Variants in PROK2 observed in about 807,000 individuals in gnomAD.
PROK2 encodes prokineticin 2, also known as prokineticin-2.
PROK2 carries 8 observed loss-of-function variants against 14.2 expected under a neutral mutation model. The ratio of observed to expected loss-of-function variants is 0.56; its 90% CI spans 0.33 to 1.02. PROK2 has a LOEUF of 1.02. Among genes scored for constraint, PROK2 ranks in the 50% least tolerant of loss-of-function variants. The pLI, the probability that PROK2 is intolerant of heterozygous loss-of-function variation, is 0.03. For synonymous variants in PROK2, 59 were observed against 60.7 expected (o/e 0.97, Z 0.13); for missense variants, 154 against 160.4 (o/e 0.96, Z 0.22).
intron 2 of PROK2, among the ~76,000 whole-genome samples, chr3:71,776,363 CATTTTTTT>C (rs1487252904): frequency 1.6e-4 from 15 of 92,070 alleles, no homozygotes; most frequent in African/African-American, 3.6e-4. Context: ...TTTCGCTTTT[CATTTTTTT>C]TTTTTTTTTT....
At chr3:71,782,062 C>T (rs2050164616) in intron 1 of PROK2, among the ~76,000 whole-genome samples, 1 of 152,166 alleles carries the variant, frequency 6.6e-6, no homozygotes, top group African/African-American at 2.4e-5. Context: ...TGGCATGAAA[C>T]ACTCCAGACC....
At chr3:71,778,319 T>G (rs1319004556) in intron 2 of PROK2, among the ~76,000 whole-genome samples, 1 of 152,198 alleles carries the variant, frequency 6.6e-6, no homozygotes, top group East Asian at 1.9e-4. Context: ...GCTTCCTAGG[T>G]GAACTCATAT....
rs549381482 is a variant in PROK2 at position 71,781,556 on chromosome 3, A to T, written c.133T>A (p.Cys45Ser). ...TTGACCCAGATACTGACAGCACAGC[A>T]CATGCCTCCACCACATTGGGAGTCC... ...DKDSQCGGGMCCAVSIWVKSI... is the reference protein window; with the variant it reads ...DKDSQCGGGMSCAVSIWVKSI... Residue 45 changes from cysteine (C) to serine (S), a missense_variant, in exon 2 of 4, where the codon TGC becomes AGC. By Grantham distance (112) the Cys-to-Ser change is moderately radical (BLOSUM62 -1). Transcript: ENST00000295619. The T allele has an allele frequency of 6.2e-7, 1 of 1,612,144 alleles. No homozygotes were observed. The highest frequency in any genetic ancestry group is 2.2e-5 in the East Asian group (1 of 44,866).
Position 71,785,103 on chromosome 3 carries a change from C to G in PROK2, c.-51G>C. 8 of 1,156,020 alleles carry G rather than the reference C, an allele frequency of 6.9e-6. No homozygotes were observed. The highest frequency in any genetic ancestry group is 8.7e-6 in the Non-Finnish European group (8 of 920,136). The allele number at this position is 1,156,020 out of a possible 1,614,324, so 71.6% of individuals were successfully genotyped here. ...CGGAGGCAGTTGGGGGCGCGGGGCCCGGGTGCGCTGGGTGGAGCGCGGAGC... is the reference window on the plus strand; with the variant it reads ...CGGAGGCAGTTGGGGGCGCGGGGCCGGGGTGCGCTGGGTGGAGCGCGGAGC... On this transcript the variant is annotated 5_prime_UTR_variant, in exon 1 of 4. Transcript: ENST00000295619.
At chr3:71,781,350 T>A in intron 2 of PROK2, 117 bp downstream of exon 2, 1 of 1,328,366 alleles carries the variant, frequency 7.5e-7, no homozygotes, top group South Asian at 1.2e-5. Flanking sequence ...TTATCCTTGC[T>A]AATGTCCAAT....
chr3:71,778,575 T>TG (rs1680125064), intron 2 of PROK2, among the ~76,000 whole-genome samples: 1 of 148,220 alleles, frequency 6.7e-6, no homozygotes, highest in South Asian at 2.1e-4. Flanking sequence ...TGAAACAAAA[T>TG]GAAAAAAAAA....
At chr3:71,780,080 A>T (rs1001930999) in intron 2 of PROK2, among the ~76,000 whole-genome samples, 1 of 152,258 alleles carries the variant, frequency 6.6e-6, no homozygotes, top group African/African-American at 2.4e-5. Context: ...GCATTGAGAC[A>T]CACAAGTAAC....
chr3:71,775,802 C>A (rs1304380377), intron 2 of PROK2, among the ~76,000 whole-genome samples: 3 of 152,194 alleles, frequency 2.0e-5, no homozygotes, highest in Non-Finnish European at 4.4e-5. Flanking sequence ...CCATTTTACT[C>A]ATGAGCATAT....
At chr3:71,773,136 C>T (rs535229991) in intron 3 of PROK2, among the ~76,000 whole-genome samples, 8 of 152,294 alleles carry the variant, frequency 5.3e-5, no homozygotes, top group East Asian at 3.9e-4. Flanking sequence ...CATGCCACCA[C>T]GCCCAACTAA....
intron 2 of PROK2, among the ~76,000 whole-genome samples, chr3:71,778,122 G>A (rs1054817491): frequency 2.7e-5 from 4 of 150,920 alleles, no homozygotes; most frequent in Admixed American, 6.6e-5. Context: ...GCGTGAACCC[G>A]GGAGGCGGAG....
At chr3:71,772,934 A>G (rs1028233415) in intron 3 of PROK2, 106 bp from the exon 4 acceptor site, 7 of 883,848 alleles carry the variant, frequency 7.9e-6, no homozygotes, top group Non-Finnish European at 1.3e-5. Context: ...GTGTTTACTG[A>G]GCGTTAACTA....
At chr3:71,776,364 A>ATTTTTTTTTT (rs58407323) in intron 2 of PROK2, among the ~76,000 whole-genome samples, 14 of 75,440 alleles carry the variant, frequency 1.9e-4, no homozygotes, top group African/African-American at 7.1e-4. Flanking sequence ...TTCGCTTTTC[A>ATTTTTTTTTT]TTTTTTTTTT....
In PROK2 at chr3:71,772,644, A is replaced by G. The variant is rs1403377636; in HGVS notation, c.*80T>C. 9 of 1,267,120 alleles carry G rather than the reference A, an allele frequency of 7.1e-6. No homozygotes were observed. Among genetic ancestry groups the G allele is most frequent in the Non-Finnish European group, 1.0e-5 (9 of 867,748 alleles). 78.5% of individuals were successfully genotyped at this position (1,267,120 alleles called of 1,614,324 possible). On this transcript the variant is annotated 3_prime_UTR_variant, in exon 4 of 4. Transcript: ENST00000295619. ...AAGCAAGAGCATTTCTTTCTGGCAC[A>G]TTTTTTGTTTGGCACAATCACAAGT...
chr3:71,774,487 C>G lies in PROK2; in HGVS notation c.243G>C (p.Arg81Ser), dbSNP rs371383628. 2 of 1,551,124 alleles carry G rather than the reference C, an allele frequency of 1.3e-6. No individual in the cohort carries two copies. The highest frequency in any genetic ancestry group is 1.7e-6 in the Non-Finnish European group (2 of 1,146,672). Residue 81 changes from arginine to serine, a missense_variant, in exon 3 of 4, where the codon AGG (arginine) becomes AGC (serine). By Grantham distance (110) the Arg-to-Ser change is moderately radical (BLOSUM62 -1). Coordinates refer to ENST00000295619, the MANE Select transcript of PROK2 (RefSeq NM_001126128.2). ...LTRKNNFGNGRQERRKRKRSK... is the reference protein window; with the variant it reads ...LTRKNNFGNGSQERRKRKRSK... ...TTCTCTTCCTCTTTCTTCTTTCCTGCCTTCCATTTCCAAAATTGTTCTGGA... is the reference window on the plus strand; with the variant it reads ...TTCTCTTCCTCTTTCTTCTTTCCTGGCTTCCATTTCCAAAATTGTTCTGGA...
chr3:71,778,388 T>C (rs1157307220), intron 2 of PROK2, among the ~76,000 whole-genome samples: 1 of 152,112 alleles, frequency 6.6e-6, no homozygotes, highest in Non-Finnish European at 1.5e-5. Flanking sequence ...AACTATACAA[T>C]TATAAAACAA....
intron 1 of PROK2, among the ~76,000 whole-genome samples, chr3:71,782,537 C>A (rs539357642): frequency 1.7e-4 from 26 of 152,260 alleles, no homozygotes; most frequent in African/African-American, 5.3e-4. Flanking sequence ...AACTATTATT[C>A]TTTCCTAGAA....
chr3:71,783,491 C>T (rs1311809682), intron 1 of PROK2, among the ~76,000 whole-genome samples: 1 of 152,134 alleles, frequency 6.6e-6, no homozygotes, highest in East Asian at 1.9e-4. Context: ...GTAACAAAAG[C>T]TTCAGTTCTT....
In PROK2 at chr3:71,774,316, C is replaced by T. The variant is rs910970960; in HGVS notation, c.285+129G>A. ...TATCAAAGCTGTCTACAGATAGTGG[C>T]AGAACCATTCTAATCTTATGTTGGG... On this transcript the variant is annotated intron_variant, in intron 3 of 3. Coordinates refer to ENST00000295619, the MANE Select transcript of PROK2 (RefSeq NM_001126128.2). 6.0e-6 allele frequency: 9 copies of T among 1,490,060 alleles called. No homozygotes were observed. In the African/African-American group the frequency reaches 1.1e-4, roughly 19 times the overall value. 92.3% of individuals were successfully genotyped at this position (1,490,060 alleles called of 1,614,324 possible).
At chr3:71,779,245 A>G (rs2108194968) in intron 2 of PROK2, among the ~76,000 whole-genome samples, 1 of 152,346 alleles carries the variant, frequency 6.6e-6, no homozygotes, top group African/African-American at 2.4e-5. Context: ...AAAGTGTTCA[A>G]ATTAAACCCA....
Sources: allele counts gnomAD v4.1 joint callset (sites outside exome capture counted in the v4.1 genomes callset), GRCh38; gene constraint gnomAD v4.1.1; transcripts MANE v1.5; gene names NCBI Gene and HGNC (gene_info 2026-07-23, HGNC 2026-07-21).